SFMBT2: variants seen among roughly 807,000 people sequenced by gnomAD.
SFMBT2 encodes the protein Scm like with four mbt domains 2.
Under a neutral mutation model 110.1 loss-of-function variants are expected in SFMBT2, and 38 were observed. That is an observed-to-expected ratio of 0.35 (90% CI 0.27 to 0.45). SFMBT2 has a LOEUF of 0.45. SFMBT2 is among the 20% of genes least tolerant of loss of function. The pLI is 1.00. For synonymous variants in SFMBT2, 425 were observed against 425.4 expected (o/e 1.00, Z 0.01); for missense variants, 1,011 against 1,094.9 (o/e 0.92, Z 1.08).
intron 4 of SFMBT2, among the ~76,000 whole-genome samples, chr10:7,319,722 CAG>C (rs770282804): frequency 1.3e-4 from 18 of 137,176 alleles, no homozygotes; most frequent in East Asian, 6.5e-4. Context: ...CTGAAAGAGA[CAG>C]AGAGAGAGGA....
chr10:7,296,005 C>A (rs1842399037), intron 4 of SFMBT2, among the ~76,000 whole-genome samples: 1 of 152,186 alleles, frequency 6.6e-6, no homozygotes. Flanking sequence ...GAGATGGAAA[C>A]CATTTACGAC....
At chr10:7,186,404 C>A (rs1838404501) in intron 16 of SFMBT2, among the ~76,000 whole-genome samples, 1 of 148,586 alleles carries the variant, frequency 6.7e-6, no homozygotes, top group Admixed American at 6.8e-5. Context: ...CATACATATA[C>A]ACATACATAC....
At position 7,322,505 on chromosome 10, in the gene SFMBT2, C is replaced by T. The variant is rs189102777; in HGVS notation, c.437-36551G>A. On this transcript the variant is annotated intron_variant, in intron 4 of 20. Transcript: ENST00000397167. ...CCCTGAACAATGACTGCCCTATATA[C>T]AGGCATCGATTCCAGATGGATTAAA... 3.2e-3 allele frequency among the ~76,000 whole-genome samples: 487 copies of T among 152,292 alleles called. 1 individual carries two copies. Among genetic ancestry groups the T allele is most frequent in the Non-Finnish European group, 5.3e-3 (358 of 68,028 alleles).
chr10:7,218,243 T>C (rs1482751727), intron 11 of SFMBT2, among the ~76,000 whole-genome samples: 1 of 152,170 alleles, frequency 6.6e-6, no homozygotes, highest in Non-Finnish European at 1.5e-5. Flanking sequence ...TGAAACTCTA[T>C]CATTTTATTC....
chr10:7,410,339 C>A (rs1194916931), intron 1 of SFMBT2, among the ~76,000 whole-genome samples: 4 of 152,260 alleles, frequency 2.6e-5, no homozygotes, highest in African/African-American at 9.6e-5. Flanking sequence ...CCCGTCCTCA[C>A]CATCTTTTTC....
chr10:7,177,316 G>C (rs1838095381), intron 16 of SFMBT2, among the ~76,000 whole-genome samples: 1 of 151,996 alleles, frequency 6.6e-6, no homozygotes, highest in South Asian at 2.1e-4. Context: ...TTGTGTATTA[G>C]GAAAAAATAA....
At position 7,160,276 on chromosome 10, in the gene SFMBT2, GGTT is replaced by G. The variant is rs1478945747; in HGVS notation, c.*3491_*3493del. The stretch of plus-strand genomic sequence containing the variant: ...CCAGTAGTACCCTGTTGTTTTTCTA[GGTT>G]GTTAGGCTTATGTCTTTGTGGACAG... On this transcript the variant is annotated 3_prime_UTR_variant, in exon 21 of 21. Coordinates refer to ENST00000397167, the MANE Select transcript of SFMBT2 (RefSeq NM_001387889.1). 1 of 152,184 alleles carries G rather than the reference GGTT, an allele frequency of 6.6e-6. No homozygotes were observed. Among genetic ancestry groups the G allele is most frequent in the African/African-American group, 2.4e-5 (1 of 41,456 alleles). The allele number at this position is 152,184 out of a possible 1,614,324, so 9.4% of individuals were successfully genotyped here. A position where few individuals can be genotyped will look rare whatever the true frequency, so the allele number is the denominator to read the frequency against.
intron 4 of SFMBT2, among the ~76,000 whole-genome samples, chr10:7,338,854 T>C (rs900168042): frequency 6.6e-6 from 1 of 152,190 alleles, no homozygotes; most frequent in Non-Finnish European, 1.5e-5. Context: ...CCAGGTTATT[T>C]TGTCTCTCAA....
Position 7,276,965 on chromosome 10 carries a change from G to A in SFMBT2, c.797C>T (p.Ser266Phe). The change falls in exon 7 of 21, where the codon TCT becomes TTT. Residue 266 changes from serine (S) to phenylalanine (F), a missense_variant. Physicochemically the swap from Ser to Phe is radical, Grantham distance 155. Coordinates refer to ENST00000397167, the MANE Select transcript of SFMBT2 (RefSeq NM_001387889.1). ...PSEIYPLKMA[S>F]EWKCTLEKSL... is the part of the protein sequence containing the mutation. ...TTTTTCCAGAGTACATTTCCATTCAGAGGCCATCTTCAAAGGATAGATTTC... is the reference window on the plus strand; with the variant it reads ...TTTTTCCAGAGTACATTTCCATTCAAAGGCCATCTTCAAAGGATAGATTTC... 1 of 872,852 alleles carries A rather than the reference G, an allele frequency of 1.1e-6. No homozygotes were observed. The highest frequency in any genetic ancestry group is 1.3e-5 in the South Asian group (1 of 76,542). The allele number at this position is 872,852 out of a possible 1,614,324, so 54.1% of individuals were successfully genotyped here.
intron 13 of SFMBT2, 29 bp downstream of exon 13, chr10:7,202,451 T>C (rs370355614): frequency 1.2e-5 from 19 of 1,613,528 alleles, no homozygotes; most frequent in African/African-American, 6.7e-5. Context: ...CGGTATACAG[T>C]GTAGTCTGGA....
intron 16 of SFMBT2, among the ~76,000 whole-genome samples, chr10:7,185,483 C>T (rs751284235): frequency 1.3e-5 from 2 of 152,068 alleles, no homozygotes; most frequent in Non-Finnish European, 2.9e-5. Context: ...AAAGCACACA[C>T]AAAATTAACC....
chr10:7,349,247 T>C (rs537905606), intron 4 of SFMBT2, among the ~76,000 whole-genome samples: 2 of 152,136 alleles, frequency 1.3e-5, no homozygotes, highest in African/African-American at 2.4e-5. Context: ...TGGTGTGGAA[T>C]GGCACGTGTG....
intron 4 of SFMBT2, among the ~76,000 whole-genome samples, chr10:7,334,505 G>A (rs1288416069): frequency 1.3e-5 from 2 of 152,180 alleles, no homozygotes; most frequent in Non-Finnish European, 2.9e-5. Context: ...CTAGAACACT[G>A]TGTCCCTGAG....
intron 1 of SFMBT2, among the ~76,000 whole-genome samples, chr10:7,388,326 G>GAAGGAT (rs1338749809): frequency 7.5e-5 from 11 of 146,074 alleles, no homozygotes; most frequent in African/African-American, 2.6e-4. Flanking sequence ...AAACAAAGAA[G>GAAGGAT]GATGATGATG....
chr10:7,206,093 G>A (rs1272737795), intron 11 of SFMBT2, 165 bp from the exon 12 acceptor site: 1 of 985,242 alleles, frequency 1.0e-6, no homozygotes, highest in African/African-American at 1.7e-5. Flanking sequence ...TGACTTTAGA[G>A]GAGTCTTTAA....
intron 1 of SFMBT2, among the ~76,000 whole-genome samples, chr10:7,385,825 C>G (rs372506037): frequency 1.3e-5 from 2 of 152,228 alleles, no homozygotes; most frequent in Non-Finnish European, 1.5e-5. Flanking sequence ...CGGTGAAACC[C>G]CGTCTCTACT....
chr10:7,276,887 CT>C lies in SFMBT2; in HGVS notation c.870+4del, dbSNP rs1354082781. On this transcript the variant is annotated splice_donor_region_variant and intron_variant, in intron 7 of 20. Transcript: ENST00000397167. ...TAGATACATTGCTAAGAATCAACAT[CT>C]TACCTTAAACACTTCCATTGGAAGA... 1.2e-6 allele frequency: 1 copy of C among 868,388 alleles called. No homozygotes were observed. Among genetic ancestry groups the C allele is most frequent in the African/African-American group, 1.6e-5 (1 of 61,216 alleles). The allele number at this position is 868,388 out of a possible 1,614,324, so 53.8% of individuals were successfully genotyped here.
intron 15 of SFMBT2, among the ~76,000 whole-genome samples, chr10:7,192,262 T>G (rs957986646): frequency 6.6e-6 from 1 of 152,232 alleles, no homozygotes; most frequent in Non-Finnish European, 1.5e-5. Flanking sequence ...AGGACTGACT[T>G]CGCTGAGGTC....
At chr10:7,377,394 C>T (rs1361332153) in intron 2 of SFMBT2, among the ~76,000 whole-genome samples, 4 of 152,084 alleles carry the variant, frequency 2.6e-5, no homozygotes, top group Admixed American at 6.6e-5. Context: ...TCCACAGATA[C>T]AGGGGATGGG....
Sources: allele counts gnomAD v4.1 joint callset (sites outside exome capture counted in the v4.1 genomes callset), GRCh38; gene constraint gnomAD v4.1.1; transcripts MANE v1.5; gene names NCBI Gene and HGNC (gene_info 2026-07-23, HGNC 2026-07-21).